The following CADM2 variants were observed in gnomAD, a reference collection of about 807,000 sequenced individuals.
The protein encoded by CADM2 is immunoglobulin superfamily member 4D.
In CADM2, 12 loss-of-function variants were observed where a neutral mutation model predicts 49.8. The observed-to-expected ratio is 0.24, with a 90% CI of 0.15 to 0.39. The LOEUF (loss-of-function observed/expected upper bound fraction) is 0.39. CADM2 is among the 10% of genes least tolerant of loss of function. The pLI, the probability that CADM2 is intolerant of heterozygous loss-of-function variation, is 1.00. For missense variants in CADM2, 378 were observed against 492.3 expected (o/e 0.77, Z 2.20); for synonymous variants, 214 against 175.4 (o/e 1.22, Z -1.74).
At chr3:85,617,826 A>G (rs1001774706) in intron 1 of CADM2, among the ~76,000 whole-genome samples, 7 of 152,186 alleles carry the variant, frequency 4.6e-5, no homozygotes, top group Admixed American at 3.3e-4. Flanking sequence ...AAAACCAAAT[A>G]TACATTTCAC....
rs186802228 is a variant in CADM2 at position 85,581,169 on chromosome 3, G to T, written c.62-145353G>T. Reference sequence around the variant, plus strand: ...TTAATCACTTGAATTTACATTGCACGTACATTTGTCCACATTTGAATGTTC... The same window carrying T: ...TTAATCACTTGAATTTACATTGCACTTACATTTGTCCACATTTGAATGTTC... On this transcript the variant is annotated intron_variant, in intron 1 of 9. Coordinates refer to ENST00000383699, the MANE Select transcript of CADM2 (RefSeq NM_001167675.2). 1.6e-4 allele frequency among the ~76,000 whole-genome samples: 24 copies of T among 152,094 alleles called. No individual in the cohort carries two copies. In the East Asian group the frequency reaches 4.5e-3, roughly 28 times the overall value.
intron 1 of CADM2, among the ~76,000 whole-genome samples, chr3:85,142,401 T>G (rs2039604280): frequency 6.6e-6 from 1 of 152,180 alleles, no homozygotes; most frequent in Non-Finnish European, 1.5e-5. Flanking sequence ...TAAGCATGCT[T>G]TAGGTTCAGT....
intron 3 of CADM2, among the ~76,000 whole-genome samples, chr3:85,846,692 C>T (rs1048636461): frequency 6.6e-6 from 1 of 151,862 alleles, no homozygotes; most frequent in African/African-American, 2.4e-5. Context: ...CACAGTCAAA[C>T]TCTCTCTACA....
At chr3:85,851,669 C>T (rs532548395) in intron 3 of CADM2, among the ~76,000 whole-genome samples, 1 of 149,426 alleles carries the variant, frequency 6.7e-6, no homozygotes, top group African/African-American at 2.5e-5. Context: ...ATGTTGGTGT[C>T]TCTTCAAAAT....
At chr3:85,247,124 A>C (rs2107849686) in intron 1 of CADM2, among the ~76,000 whole-genome samples, 1 of 152,178 alleles carries the variant, frequency 6.6e-6, no homozygotes, top group South Asian at 2.1e-4. Context: ...AATAAAATAA[A>C]TGTCATGTCT....
intron 1 of CADM2, among the ~76,000 whole-genome samples, chr3:85,299,654 A>G (rs187948404): frequency 6.6e-6 from 1 of 152,010 alleles, no homozygotes; most frequent in Non-Finnish European, 1.5e-5. Flanking sequence ...ATATTACTTC[A>G]GAGGTTGGTC....
At chr3:85,045,677 A>G (rs1000353111) in intron 1 of CADM2, among the ~76,000 whole-genome samples, 1 of 152,048 alleles carries the variant, frequency 6.6e-6, no homozygotes, top group Non-Finnish European at 1.5e-5. Flanking sequence ...TGTGCAATCA[A>G]ATAAAGGTGG....
intron 1 of CADM2, among the ~76,000 whole-genome samples, chr3:85,624,264 C>T (rs952173775): frequency 3.9e-5 from 6 of 152,058 alleles, no homozygotes; most frequent in African/African-American, 1.4e-4. Flanking sequence ...AATATCTAGC[C>T]AGACTATTTG....
chr3:85,423,997 C>G (rs768899414), intron 1 of CADM2, among the ~76,000 whole-genome samples: 45 of 152,094 alleles, frequency 3.0e-4, no homozygotes, highest in Non-Finnish European at 4.6e-4. Context: ...GCATCCGATT[C>G]CTGATAAGAG....
intron 6 of CADM2, among the ~76,000 whole-genome samples, chr3:85,935,490 A>G (rs1305861652): frequency 6.6e-6 from 1 of 152,006 alleles, no homozygotes; most frequent in African/African-American, 2.4e-5. Context: ...ATTCATCTCA[A>G]CCACATTTTG....
Position 85,965,414 on chromosome 3 carries a change from A to T in CADM2, c.970+3767A>T. 2.0e-5 allele frequency among the ~76,000 whole-genome samples: 3 copies of T among 151,274 alleles called. 1 individual carries two copies. The South Asian group carries it at 6.2e-4, about 31-fold the overall frequency. ...GTTATACAGATATATAATAAATTAG[A>T]CTATTCTTACTCTTATATTTCTAGT... is the stretch of plus-strand genomic sequence containing the variant. On this transcript the variant is annotated intron_variant, in intron 8 of 9. Transcript: ENST00000383699.
chr3:85,540,820 A>G (rs2061520957), intron 1 of CADM2, among the ~76,000 whole-genome samples: 1 of 152,164 alleles, frequency 6.6e-6, no homozygotes, highest in South Asian at 2.1e-4. Flanking sequence ...TCAATGTGTC[A>G]GCAGGTTTAG....
intron 1 of CADM2, among the ~76,000 whole-genome samples, chr3:85,490,624 T>C (rs1169186182): frequency 6.6e-6 from 1 of 151,976 alleles, no homozygotes; most frequent in Non-Finnish European, 1.5e-5. Flanking sequence ...TTGTAAAAAA[T>C]CAATTAATTC....
intron 1 of CADM2, among the ~76,000 whole-genome samples, chr3:85,196,198 C>G (rs78486040): frequency 3.3e-5 from 5 of 151,924 alleles, no homozygotes; most frequent in African/African-American, 7.2e-5. Flanking sequence ...TGACAATTTG[C>G]CTTCATTTTA....
intron 1 of CADM2, among the ~76,000 whole-genome samples, chr3:85,527,933 T>G (rs1306656319): frequency 6.6e-6 from 1 of 152,230 alleles, no homozygotes; most frequent in Non-Finnish European, 1.5e-5. Flanking sequence ...GTTCAGTCTA[T>G]CTTCTTTTCT....
intron 1 of CADM2, among the ~76,000 whole-genome samples, chr3:85,422,451 G>T (rs2036216837): frequency 6.6e-6 from 1 of 151,930 alleles, no homozygotes; most frequent in Non-Finnish European, 1.5e-5. Flanking sequence ...CTAATTTTTT[G>T]TATTTTTAGT....
intron 1 of CADM2, among the ~76,000 whole-genome samples, chr3:85,174,064 T>G (rs2107690057): frequency 6.6e-6 from 1 of 152,264 alleles, no homozygotes; most frequent in East Asian, 1.9e-4. Context: ...TTCTCTTGTT[T>G]ATCTTTGAAA....
At chr3:85,809,391 G>C (rs971289525) in intron 3 of CADM2, among the ~76,000 whole-genome samples, 4 of 152,060 alleles carry the variant, frequency 2.6e-5, no homozygotes, top group African/African-American at 9.7e-5. Context: ...AGGAGTTTGA[G>C]ACAAGCCTGG....
intron 2 of CADM2, among the ~76,000 whole-genome samples, chr3:85,787,451 A>G (rs941478904): frequency 1.3e-5 from 2 of 152,064 alleles, no homozygotes; most frequent in Non-Finnish European, 2.9e-5. Flanking sequence ...TGACTTAGGG[A>G]TCATGATTAA....
Sources: allele counts gnomAD v4.1 joint callset (sites outside exome capture counted in the v4.1 genomes callset), GRCh38; gene constraint gnomAD v4.1.1; transcripts MANE v1.5; gene names NCBI Gene and HGNC (gene_info 2026-07-23, HGNC 2026-07-21).